The following RALYL variants were observed in gnomAD, a reference collection of about 807,000 sequenced individuals.
RALYL encodes RALY RNA binding protein like.
RALYL carries 29 observed loss-of-function variants against 35.1 expected under a neutral mutation model. The observed-to-expected ratio is 0.83, with a 90% CI of 0.61 to 1.13. The LOEUF is 1.13. Among genes scored for constraint, RALYL ranks in the 50% most tolerant of loss-of-function variants. The pLI is 0.00. For synonymous variants in RALYL, 120 were observed against 127.6 expected, an observed-to-expected ratio of 0.94 and a Z score of 0.40; for missense variants, 359 against 360.4, an observed-to-expected ratio of 1.00 and a Z score of 0.03.
At chr8:84,533,949 G>A (rs754812755) in intron 2 of RALYL, among the ~76,000 whole-genome samples, 5 of 152,222 alleles carry the variant, frequency 3.3e-5, no homozygotes, top group African/African-American at 7.2e-5. Context: ...GATTTCAAAT[G>A]TCTTTTCATC....
chr8:84,839,389 A>G (rs888689950), intron 4 of RALYL, among the ~76,000 whole-genome samples: 1 of 152,218 alleles, frequency 6.6e-6, no homozygotes, highest in East Asian at 1.9e-4. Context: ...GCAGTCTGAG[A>G]TCAAACTGAA....
At chr8:84,391,565 G>A (rs1860704394) in intron 1 of RALYL, among the ~76,000 whole-genome samples, 1 of 151,926 alleles carries the variant, frequency 6.6e-6, no homozygotes, top group Admixed American at 6.6e-5. Flanking sequence ...ATTATAAGTG[G>A]TTACTGTAGG....
At chr8:84,529,938 T>C (rs559507244) in intron 2 of RALYL, among the ~76,000 whole-genome samples, 3 of 152,268 alleles carry the variant, frequency 2.0e-5, no homozygotes, top group East Asian at 1.9e-4. Flanking sequence ...GTCATACTTA[T>C]AGCATTTGAT....
chr8:84,374,649 C>T (rs1237542580), intron 1 of RALYL, among the ~76,000 whole-genome samples: 1 of 151,730 alleles, frequency 6.6e-6, no homozygotes, highest in Non-Finnish European at 1.5e-5. Context: ...ATAAGTGGGA[C>T]CTAATGATAA....
rs529253602 is a variant in RALYL, at chr8:84,729,315, C to T, written c.257-45264C>T. ...TATAAGAATGCTTGTGATTTTTGTACACTGATTTTGTATCCTGAGACTTTG... is the reference window on the plus strand; with the variant it reads ...TATAAGAATGCTTGTGATTTTTGTATACTGATTTTGTATCCTGAGACTTTG... On this transcript the variant is annotated intron_variant, in intron 2 of 8. Coordinates refer to ENST00000521268, the MANE Select transcript of RALYL (RefSeq NM_173848.7). 2.0e-3 allele frequency among the ~76,000 whole-genome samples: 298 copies of T among 152,108 alleles called. 1 individual carries two copies. The highest frequency in any genetic ancestry group is 6.7e-3 in the African/African-American group (279 of 41,498).
At chr8:84,298,684 A>T (rs952207437) in intron 1 of RALYL, among the ~76,000 whole-genome samples, 2 of 152,134 alleles carry the variant, frequency 1.3e-5, no homozygotes, top group Non-Finnish European at 2.9e-5. Context: ...CTTTCTGTTC[A>T]TAAGCATGAA....
intron 2 of RALYL, among the ~76,000 whole-genome samples, chr8:84,594,730 T>A (rs1814084222): frequency 6.6e-6 from 1 of 152,132 alleles, no homozygotes; most frequent in South Asian, 2.1e-4. Flanking sequence ...ACGTGAATTT[T>A]TTTAACCTAA....
At chr8:84,649,943 C>A (rs2131501528) in intron 2 of RALYL, among the ~76,000 whole-genome samples, 1 of 152,142 alleles carries the variant, frequency 6.6e-6, no homozygotes, top group Middle Eastern at 3.4e-3. Flanking sequence ...TCTTTGTATC[C>A]TCTTTTATTT....
chr8:84,704,671 T>C (rs183511995), intron 2 of RALYL, among the ~76,000 whole-genome samples: 42 of 152,316 alleles, frequency 2.8e-4, no homozygotes, highest in African/African-American at 1.0e-3. Context: ...TAAAGCAAGA[T>C]ATAACCATAG....
At chr8:84,883,723 A>G (rs1379666702) in intron 7 of RALYL, among the ~76,000 whole-genome samples, 1 of 152,046 alleles carries the variant, frequency 6.6e-6, no homozygotes, top group Admixed American at 6.6e-5. Context: ...CATAGAACTA[A>G]AAAGGCTGTG....
chr8:84,406,294 T>A (rs1244106460), intron 1 of RALYL, among the ~76,000 whole-genome samples: 2 of 152,098 alleles, frequency 1.3e-5, no homozygotes, highest in African/African-American at 4.8e-5. Flanking sequence ...TGTATGCATA[T>A]CTAAGTGCTT....
At chr8:84,566,805 G>A (rs1162674208) in intron 2 of RALYL, among the ~76,000 whole-genome samples, 1 of 151,538 alleles carries the variant, frequency 6.6e-6, no homozygotes, top group African/African-American at 2.4e-5. Context: ...AATTACTTGT[G>A]GGTAAGTTAT....
chr8:84,298,439 G>A (rs1224675527), intron 1 of RALYL, among the ~76,000 whole-genome samples: 2 of 152,068 alleles, frequency 1.3e-5, no homozygotes, highest in Admixed American at 1.3e-4. Context: ...TTTGTGCCAT[G>A]CTGTTTTGGT....
intron 2 of RALYL, among the ~76,000 whole-genome samples, chr8:84,598,133 C>T (rs1300521077): frequency 2.0e-5 from 3 of 152,010 alleles, no homozygotes; most frequent in Non-Finnish European, 4.4e-5. Flanking sequence ...TCATGGAATG[C>T]CTTACTCCTC....
intron 1 of RALYL, among the ~76,000 whole-genome samples, chr8:84,470,028 C>A (rs1383012535): frequency 1.3e-5 from 2 of 152,132 alleles, no homozygotes; most frequent in Non-Finnish European, 2.9e-5. Context: ...CACTGACCTG[C>A]GCCCACTGTC....
At chr8:84,907,405 G>T (rs952768221) in intron 8 of RALYL, among the ~76,000 whole-genome samples, 12 of 151,564 alleles carry the variant, frequency 7.9e-5, no homozygotes, top group Non-Finnish European at 1.0e-4. Flanking sequence ...GAAACGGAAA[G>T]AAAACAATAC....
intron 2 of RALYL, among the ~76,000 whole-genome samples, chr8:84,542,063 A>G (rs1009735620): frequency 6.6e-6 from 1 of 152,078 alleles, no homozygotes; most frequent in Non-Finnish European, 1.5e-5. Context: ...ATTTGTGTCT[A>G]CAAGTTTGCT....
At chr8:84,847,462 AGGTTTAGTCCACATTTT>A (rs1834908985) in intron 4 of RALYL, among the ~76,000 whole-genome samples, 1 of 151,872 alleles carries the variant, frequency 6.6e-6, no homozygotes, top group Non-Finnish European at 1.5e-5. Context: ...TTAAGTATGT[AGGTTTAGTCCACATTTT>A]GGTGTCTCTT....
intron 1 of RALYL, among the ~76,000 whole-genome samples, chr8:84,301,901 C>A (rs1241981115): frequency 6.6e-6 from 1 of 151,944 alleles, no homozygotes; most frequent in Non-Finnish European, 1.5e-5. Flanking sequence ...CCTTTCTACC[C>A]ATTGGAAGCA....
Sources: gnomAD v4.1 joint callset for allele counts (sites outside exome capture counted in the v4.1 genomes callset) on GRCh38, gnomAD v4.1.1 for gene constraint, MANE v1.5 for transcripts, NCBI Gene and HGNC (gene_info 2026-07-23, HGNC 2026-07-21) for gene names.